DMRT1: variants seen among roughly 807,000 people sequenced by gnomAD.
The protein encoded by DMRT1 is doublesex and mab-3 related transcription factor 1.
A neutral mutation model predicts 32.3 loss-of-function variants in DMRT1; 7 were observed. The ratio of observed to expected loss-of-function variants is 0.22; its 90% CI spans 0.12 to 0.41. The LOEUF is 0.41. Ranked by LOEUF, DMRT1 falls within the 10% of genes least tolerant of loss-of-function variation. DMRT1 has a pLI of 1.00. For missense variants in DMRT1, 625 were observed against 500.5 expected (o/e 1.25, Z -2.37); for synonymous variants, 278 against 206.1 (o/e 1.35, Z -2.99).
intron 4 of DMRT1, among the ~76,000 whole-genome samples, chr9:930,560 C>A (rs997803336): frequency 6.6e-6 from 1 of 152,048 alleles, no homozygotes. Context: ...AGGCGCCCGC[C>A]ACCATGCCCA....
intron 2 of DMRT1, among the ~76,000 whole-genome samples, chr9:861,022 C>A (rs933309444): frequency 4.7e-5 from 7 of 148,680 alleles, no homozygotes; most frequent in Non-Finnish European, 8.9e-5. Flanking sequence ...ACTATTAAAG[C>A]AGTGAATGGT....
chr9:921,799 A>G (rs1378910673), intron 4 of DMRT1, among the ~76,000 whole-genome samples: 1 of 152,178 alleles, frequency 6.6e-6, no homozygotes, highest in Non-Finnish European at 1.5e-5. Flanking sequence ...GAAGACCACT[A>G]GAGCCCAGGC....
chr9:845,062 T>C (rs1412984765), intron 1 of DMRT1, among the ~76,000 whole-genome samples: 1 of 152,192 alleles, frequency 6.6e-6, no homozygotes, highest in Non-Finnish European at 1.5e-5. Context: ...ATTTCACCTT[T>C]GGCTTATATT....
intron 3 of DMRT1, among the ~76,000 whole-genome samples, chr9:895,978 T>C (rs1012512563): frequency 6.6e-6 from 1 of 151,490 alleles, no homozygotes; most frequent in Non-Finnish European, 1.5e-5. Flanking sequence ...CTAATTTTTG[T>C]ATTTTTAGTA....
chr9:851,474 A>G (rs1332238322), intron 2 of DMRT1, among the ~76,000 whole-genome samples: 2 of 152,070 alleles, frequency 1.3e-5, no homozygotes, highest in African/African-American at 4.8e-5. Context: ...CCTGACCTCA[A>G]ATGATTGCCC....
In DMRT1 at chr9:916,376, T is replaced by TA. The variant is rs113112230; in HGVS notation, c.823-387_823-386insA. Among the ~76,000 whole-genome samples, 428 of 152,018 alleles carry TA rather than the reference T, an allele frequency of 2.8e-3. 4 individuals carry two copies. Among genetic ancestry groups the TA allele is most frequent in the African/African-American group, 9.8e-3 (407 of 41,460 alleles). On this transcript the variant is annotated intron_variant, in intron 3 of 4. Coordinates refer to ENST00000382276, the MANE Select transcript of DMRT1 (RefSeq NM_021951.3). ...GATAGGCTATTCCCTTAATTTGCTT[T>TA]TTTTTTTTGAGACAGGGTCTTTCTC... is the stretch of plus-strand genomic sequence containing the variant.
chr9:909,059 C>CGGTTCT (rs1817881065), intron 3 of DMRT1, among the ~76,000 whole-genome samples: 1 of 152,100 alleles, frequency 6.6e-6, no homozygotes, highest in Non-Finnish European at 1.5e-5. Context: ...CTGCCTGCCT[C>CGGTTCT]GGTTCTTTCC....
chr9:905,602 G>C (rs1174122456), intron 3 of DMRT1, among the ~76,000 whole-genome samples: 1 of 151,864 alleles, frequency 6.6e-6, no homozygotes, highest in East Asian at 1.9e-4. Context: ...TGAGTCATTT[G>C]TTTGCAAACC....
intron 4 of DMRT1, 138 bp from the exon 5 acceptor site, chr9:967,847 C>A: frequency 1.2e-6 from 1 of 854,942 alleles, no homozygotes; most frequent in Admixed American, 2.0e-5. Context: ...TATAAAAACA[C>A]TTTCAACTCA....
At chr9:880,041 CAATA>C (rs1377076673) in intron 2 of DMRT1, among the ~76,000 whole-genome samples, 2 of 152,188 alleles carry the variant, frequency 1.3e-5, no homozygotes, top group African/African-American at 4.8e-5. Flanking sequence ...CAAATTTCGG[CAATA>C]AATACTGTCA....
intron 4 of DMRT1, among the ~76,000 whole-genome samples, chr9:967,616 G>C (rs1303106608): frequency 6.6e-6 from 1 of 152,176 alleles, no homozygotes; most frequent in Non-Finnish European, 1.5e-5. Context: ...GTGTCAGATG[G>C]ATCACTTGAC....
chr9:939,340 T>G (rs1818986704), intron 4 of DMRT1, among the ~76,000 whole-genome samples: 1 of 152,218 alleles, frequency 6.6e-6, no homozygotes, highest in South Asian at 2.1e-4. Context: ...GGGAACAATC[T>G]TAACTCCCTA....
In DMRT1 at chr9:882,932, C is replaced by T. The variant is rs543278513; in HGVS notation, c.539-10980C>T. On this transcript the variant is annotated intron_variant, in intron 2 of 4. Coordinates refer to ENST00000382276, the MANE Select transcript of DMRT1 (RefSeq NM_021951.3). ...GATTACAGGTGCCTGCCACCATGCC[C>T]GGCTAATTTTTGTATTTTTAGTAGA... Among the ~76,000 whole-genome samples the T allele has an allele frequency of 4.6e-5, 7 of 151,646 alleles. No homozygotes were observed. The South Asian group carries it at 1.1e-3, about 23-fold the overall frequency.
intron 2 of DMRT1, among the ~76,000 whole-genome samples, chr9:847,671 AGTTATG>A (rs1838965207): frequency 1.6e-5 from 1 of 61,188 alleles, no homozygotes; most frequent in African/African-American, 3.3e-5. Context: ...AGACATAGAC[AGTTATG>A]GGATTGGCCA....
Position 965,456 on chromosome 9 carries a change from C to T in DMRT1, c.968-2529C>T, listed in dbSNP as rs1819903302. ...TAATATTCTGCATGCTTTGTGGCCC[C>T]ACGTCGCAAGAGCACTTTCCAAGAA... On this transcript the variant is annotated intron_variant, in intron 4 of 4. Transcript: ENST00000382276. This position sits in a 1 kb window ranked among gnomAD's most constrained non-coding sequence, Gnocchi z 4.5. Among the ~76,000 whole-genome samples the T allele has an allele frequency of 6.6e-6, 1 of 152,200 alleles. No individual in the cohort carries two copies. The highest frequency in any genetic ancestry group is 1.5e-5 in the Non-Finnish European group (1 of 68,044).
Position 940,876 on chromosome 9 carries a change from AG to A in DMRT1, c.967+23971del, listed in dbSNP as rs1354821738. Among the ~76,000 whole-genome samples, 5 of 152,226 alleles carry A rather than the reference AG, an allele frequency of 3.3e-5. No individual in the cohort carries two copies. The East Asian group carries it at 5.8e-4, about 18-fold the overall frequency. ...AACAACCCATTTCAAAAATGGCCAA[AG>A]GACTTGAACAGACATTTCTCCAAAG... On this transcript the variant is annotated intron_variant, in intron 4 of 4. Transcript: ENST00000382276.
chr9:938,164 T>A (rs1225723245), intron 4 of DMRT1, among the ~76,000 whole-genome samples: 3 of 152,146 alleles, frequency 2.0e-5, no homozygotes, highest in Admixed American at 1.3e-4. Context: ...TATTTGAGGG[T>A]TTATATTGCA....
At chr9:926,568 A>T (rs1818529870) in intron 4 of DMRT1, among the ~76,000 whole-genome samples, 1 of 152,212 alleles carries the variant, frequency 6.6e-6, no homozygotes, top group Non-Finnish European at 1.5e-5. Context: ...TCAGCAGCTT[A>T]TCATGAGATT....
Position 950,915 on chromosome 9 carries a change from A to T in DMRT1, c.968-17070A>T, listed in dbSNP as rs1819407883. 2.6e-5 allele frequency among the ~76,000 whole-genome samples: 4 copies of T among 152,300 alleles called. No individual in the cohort carries two copies. The South Asian group carries it at 6.2e-4, about 24-fold the overall frequency. On this transcript the variant is annotated intron_variant, in intron 4 of 4. Coordinates refer to ENST00000382276, the MANE Select transcript of DMRT1 (RefSeq NM_021951.3). ...TTTATTGTTTCATAGTTGTTTTGAT[A>T]TAGAAAATTATAAGTGCTTCTTAAA...
Sources: gnomAD v4.1 joint callset for allele counts (sites outside exome capture counted in the v4.1 genomes callset) on GRCh38, gnomAD v4.1.1 for gene constraint, Gnocchi (gnomAD v3.1) non-coding constraint, MANE v1.5 for transcripts, NCBI Gene and HGNC (gene_info 2026-07-23, HGNC 2026-07-21) for gene names.